Variants in PLPP2 observed in about 807,000 individuals in gnomAD.
The protein encoded by PLPP2 is phospholipid phosphatase 2, also known as PAP2-gamma.
A neutral mutation model predicts 35.2 loss-of-function variants in PLPP2; 29 were observed. The ratio of observed to expected loss-of-function variants is 0.82; its 90% CI spans 0.61 to 1.12. The LOEUF (loss-of-function observed/expected upper bound fraction) is 1.12, where lower values mean the gene tolerates loss of function less well. Ranked by LOEUF, PLPP2 falls within the 50% of genes most tolerant of loss-of-function variation. The probability of loss-of-function intolerance (pLI) is 0.00; values close to 1 mark genes in which losing one functional copy is unlikely to be tolerated. For synonymous variants in PLPP2, 162 were observed against 167.0 expected (o/e 0.97, Z 0.23); for missense variants, 353 against 375.2 (o/e 0.94, Z 0.49).
chr19:284,034 T>C (rs939201090), intron 3 of PLPP2: 1 of 152,118 alleles, frequency 6.6e-6, no homozygotes, highest in African/African-American at 2.4e-5. Flanking sequence ...TGCTACATTA[T>C]AATATTCTAA....
chr19:281,860 T>C (rs543679906), intron 5 of PLPP2: 14 of 216,140 alleles, frequency 6.5e-5, no homozygotes, highest in African/African-American at 5.4e-4. Flanking sequence ...AGGACTGGGA[T>C]TGGGGGGAAG....
At chr19:281,855 T>C (rs1600075592) in intron 5 of PLPP2, 1 of 190,864 alleles carries the variant, frequency 5.2e-6, no homozygotes. Context: ...AGGGAAGGAC[T>C]GGGATTGGGG....
chr19:291,171 C>T, intron 1 of PLPP2, 114 bp downstream of exon 1: 1 of 1,541,980 alleles, frequency 6.5e-7, no homozygotes, highest in Non-Finnish European at 8.7e-7. Flanking sequence ...CCTCCAGGGT[C>T]CTCGGAGGGA....
In PLPP2 at chr19:288,136, C is replaced by A. The variant is rs199986084; in HGVS notation, c.88G>T (p.Ala30Ser). Reference sequence around the variant, plus strand: ...CAGTAAAATCCTCGCTTGTACGGGGCGTTCACCAGCGTCAGGATAGCGAAG... The same window carrying A: ...CAGTAAAATCCTCGCTTGTACGGGGAGTTCACCAGCGTCAGGATAGCGAAG... ...LPFAILTLVN[A>S]PYKRGFYCGD... Residue 30 changes from alanine to serine, a missense_variant, in exon 2 of 6, where the codon GCC (alanine) becomes TCC (serine). Transcript: ENST00000434325. 5 of 1,605,154 alleles carry A rather than the reference C, an allele frequency of 3.1e-6. No individual in the cohort carries two copies. The highest frequency in any genetic ancestry group is 4.3e-6 in the Non-Finnish European group (5 of 1,174,100).
chr19:281,373 G>A lies in PLPP2; in HGVS notation c.*15C>T. 1 of 1,392,730 alleles carries A rather than the reference G, an allele frequency of 7.2e-7. No homozygotes were observed. The highest frequency in any genetic ancestry group is 9.4e-7 in the Non-Finnish European group (1 of 1,064,966). The allele number at this position is 1,392,730 out of a possible 1,614,324, so 86.3% of individuals were successfully genotyped here. On this transcript the variant is annotated 3_prime_UTR_variant, in exon 6 of 6. Coordinates refer to ENST00000434325, the MANE Select transcript of PLPP2 (RefSeq NM_003712.4). ...CTGGACTCACAGCAGCTCCCTGCCT[G>A]GGCGGGGTCCGGCCTCAGGAGGAGG...
intron 5 of PLPP2, chr19:281,865 G>A: frequency 2.0e-6 from 1 of 490,662 alleles, no homozygotes; most frequent in Non-Finnish European, 3.6e-6. Context: ...TGGGATTGGG[G>A]GGAAGGGGTC....
intron 1 of PLPP2, chr19:291,046 C>T: frequency 7.8e-7 from 1 of 1,290,148 alleles, no homozygotes; most frequent in Non-Finnish European, 9.8e-7. Context: ...CCCGGCTCCC[C>T]GGGCCTCTCG....
rs1174049648 is a variant in PLPP2, at chr19:287,082, AT to A, written c.482+391del. 1.7e-5 allele frequency: 3 copies of A among 179,754 alleles called. No individual in the cohort carries two copies. The highest frequency in any genetic ancestry group is 1.3e-4 in the South Asian group (1 of 7,768). 11.1% of individuals were successfully genotyped at this position (179,754 alleles called of 1,614,324 possible). On this transcript the variant is annotated intron_variant, in intron 3 of 5. Transcript: ENST00000434325. The surrounding 1 kb of genome is among the most constrained non-coding windows in gnomAD (Gnocchi z 4.3). ...GAAAGTCCAAGAATGGAAAAAAAAA[AT>A]ATTCCATGCAAACAATAACAAAAAG...
chr19:291,081 G>C, intron 1 of PLPP2: 5 of 1,333,980 alleles, frequency 3.7e-6, no homozygotes, highest in Non-Finnish European at 4.8e-6. Context: ...CTGGGCCTGG[G>C]ACGCGGGGAC....
chr19:284,587 T>G (rs1399411069), intron 3 of PLPP2: 1 of 152,084 alleles, frequency 6.6e-6, no homozygotes, highest in African/African-American at 2.4e-5. Flanking sequence ...AGACAAACAC[T>G]TTTAGTTAGC....
Position 287,360 on chromosome 19 carries a change from C to CGTGGTGGCGCACGCCTGTA in PLPP2, c.482+95_482+113dup, listed in dbSNP as rs1970286328. The CGTGGTGGCGCACGCCTGTA allele has an allele frequency of 7.5e-7, 1 of 1,330,958 alleles. No individual in the cohort carries two copies. Among genetic ancestry groups the CGTGGTGGCGCACGCCTGTA allele is most frequent in the Admixed American group, 2.3e-5 (1 of 43,992 alleles). The allele number at this position is 1,330,958 out of a possible 1,614,324, so 82.4% of individuals were successfully genotyped here. A position where few individuals can be genotyped will look rare whatever the true frequency, so the allele number is the denominator to read the frequency against. ...CTAACTTATACAAAAATTAGCCGGG[C>CGTGGTGGCGCACGCCTGTA]GTGGTGGCGCACGCCTGTAGTCTCA... On this transcript the variant is annotated intron_variant, in intron 3 of 5. Coordinates refer to ENST00000434325, the MANE Select transcript of PLPP2 (RefSeq NM_003712.4). This position sits in a 1 kb window ranked among gnomAD's most constrained non-coding sequence, Gnocchi z 4.3.
chr19:283,511 T>C (rs1237545796), intron 3 of PLPP2: 1 of 152,228 alleles, frequency 6.6e-6, no homozygotes, highest in Non-Finnish European at 1.5e-5. Flanking sequence ...CTGGGGGATA[T>C]TTGTAGGAAA....
At chr19:282,004 C>G in intron 5 of PLPP2, 130 bp downstream of exon 5, 2 of 1,057,242 alleles carry the variant, frequency 1.9e-6, no homozygotes, top group Middle Eastern at 3.0e-4. Context: ...GAAGGGGTCC[C>G]AGGGAGGACT....
rs781438724 is a variant in PLPP2 at position 291,290 on chromosome 19, A to G, written c.47T>C (p.Leu16Pro). ...CGGGTCCCCAAGGCTCTTACCGACC[A>G]GTAAGCACAGCACGTCGAGCAGCAC... Reference protein sequence around the residue: ...VFVLLDVLCLLVASLPFAILT... With the variant: ...VFVLLDVLCLPVASLPFAILT... The change falls in exon 1 of 6, where the codon CTG (leucine) becomes CCG (proline). Residue 16 changes from leucine to proline, a missense_variant. Transcript: ENST00000434325. 6.2e-7 allele frequency: 1 copy of G among 1,601,446 alleles called. No homozygotes were observed. The highest frequency in any genetic ancestry group is 1.1e-5 in the South Asian group (1 of 89,580).
Position 287,627 on chromosome 19 carries a change from T to A in PLPP2, c.329A>T (p.Gln110Leu). 6.8e-6 allele frequency: 11 copies of A among 1,613,922 alleles called. No homozygotes were observed. Among genetic ancestry groups the A allele is most frequent in the Non-Finnish European group, 9.3e-6 (11 of 1,180,024 alleles). Residue 110 changes from glutamine (Q) to leucine (L), a missense_variant, in exon 3 of 6, where the codon CAG (glutamine) becomes CTG (leucine). Coordinates refer to ENST00000434325, the MANE Select transcript of PLPP2 (RefSeq NM_003712.4). The surrounding 1 kb of genome is among the most constrained non-coding windows in gnomAD (Gnocchi z 4.3). ...GTFLFGAAVS[Q>L]SLTDLAKYMI... is the part of the protein sequence containing the mutation. The stretch of plus-strand genomic sequence containing the variant: ...GTACTTGGCCAGGTCTGTCAGAGAC[T>A]GGCTCACGGCAGCCCCAAACAGGAA...
At chr19:291,156 C>T in intron 1 of PLPP2, 129 bp downstream of exon 1, 1 of 1,478,206 alleles carries the variant, frequency 6.8e-7, no homozygotes. Flanking sequence ...CACGCGAGGT[C>T]CCCGCCTCCA....
At position 287,861 on chromosome 19, in the gene PLPP2, GCCCTATTA is replaced by G; in HGVS notation, c.205-118_205-111del. The G allele has an allele frequency of 6.6e-7, 1 of 1,518,306 alleles. No individual in the cohort carries two copies. The allele number at this position is 1,518,306 out of a possible 1,614,324, so 94.1% of individuals were successfully genotyped here. On this transcript the variant is annotated intron_variant, in intron 2 of 5. Coordinates refer to ENST00000434325, the MANE Select transcript of PLPP2 (RefSeq NM_003712.4). This position sits in a 1 kb window ranked among gnomAD's most constrained non-coding sequence, Gnocchi z 4.3. ...TGGAGAGCTGGGGACTCTGAAGGGG[GCCCTATTA>G]CCCACAGGTACCACTCAGGGCAAGG...
Position 282,140 on chromosome 19 carries a change from G to A in PLPP2, c.711C>T (p.Ala237=), listed in dbSNP as rs1440142609. The A allele has an allele frequency of 1.2e-6, 2 of 1,613,286 alleles. No homozygotes were observed. Among genetic ancestry groups the A allele is most frequent in the Non-Finnish European group, 8.5e-7 (1 of 1,179,766 alleles). ...GTTAGGGTTAGAAGCTCACAGTGAG[G>A]GCAGCCACCAGTGCCCCCTGCAGGA... ...VGLLQGALVA[A]LTVCYISDFF... Residue 237 remains alanine, a synonymous_variant, in exon 5 of 6, where the codon GCC becomes GCT. Coordinates refer to ENST00000434325, the MANE Select transcript of PLPP2 (RefSeq NM_003712.4).
At chr19:282,857 C>G (rs1207984625) in intron 3 of PLPP2, 48 bp from the exon 4 acceptor site, 1 of 1,554,098 alleles carries the variant, frequency 6.4e-7, no homozygotes, top group South Asian at 1.1e-5. Context: ...CTTCCAACCT[C>G]CCCCTTGTCC....
Sources: allele counts gnomAD v4.1 joint callset, GRCh38; gene constraint gnomAD v4.1.1; non-coding constraint Gnocchi (gnomAD v3.1); transcripts MANE v1.5; gene names NCBI Gene and HGNC (gene_info 2026-07-23, HGNC 2026-07-21).